The following DEPDC7 variants were observed in gnomAD, a reference collection of about 807,000 sequenced individuals.
The protein encoded by DEPDC7 is DEP domain-containing protein 7.
A neutral mutation model predicts 56.6 loss-of-function variants in DEPDC7; 41 were observed. That is an observed-to-expected ratio of 0.72 (90% CI 0.56 to 0.94). The LOEUF is 0.94. Among genes scored for constraint, DEPDC7 ranks in the 40% least tolerant of loss-of-function variants. The pLI, the probability that DEPDC7 is intolerant of heterozygous loss-of-function variation, is 0.00. For synonymous variants in DEPDC7, 185 were observed against 208.8 expected, an observed-to-expected ratio of 0.89 and a Z score of 0.98; for missense variants, 522 against 596.3, an observed-to-expected ratio of 0.88 and a Z score of 1.30.
At position 33,031,460 on chromosome 11, in the gene DEPDC7, C is replaced by T; in HGVS notation, c.865C>T (p.Pro289Ser). 5.0e-6 allele frequency: 8 copies of T among 1,614,138 alleles called. No individual in the cohort carries two copies. Among genetic ancestry groups the T allele is most frequent in the South Asian group, 1.1e-5 (1 of 91,076 alleles). Residue 289 changes from proline to serine, a missense_variant, in exon 5 of 9, where the codon CCT becomes TCT. Coordinates refer to ENST00000241051, the MANE Select transcript of DEPDC7 (RefSeq NM_001077242.2). ...GGTGGTGGAAATAAGCAGAAGCTTT[C>T]CTGAGCAACCAGACCGAACAGACTT... The part of the protein sequence containing the change: ...QMVVEISRSF[P>S]EQPDRTDLVK...
chr11:33,017,160 CATGTAAAGGA>C lies in DEPDC7; in HGVS notation c.73+1133_73+1142del, dbSNP rs1171121901. Among the ~76,000 whole-genome samples the C allele has an allele frequency of 2.6e-5, 4 of 152,270 alleles. No homozygotes were observed. In the South Asian group the frequency reaches 8.3e-4, roughly 32 times the overall value. On this transcript the variant is annotated intron_variant, in intron 1 of 8. Transcript: ENST00000241051. ...CATAATATTGACCTTAGTCTGCTTC[CATGTAAAGGA>C]TTCAGGTAAGCACATAGTGGCCACA... is the stretch of plus-strand genomic sequence containing the variant.
Position 33,027,822 on chromosome 11 carries a change from A to G in DEPDC7, c.592+9A>G, listed in dbSNP as rs774602972. 1.3e-6 allele frequency: 2 copies of G among 1,531,636 alleles called. No homozygotes were observed. Among genetic ancestry groups the G allele is most frequent in the South Asian group, 2.6e-5 (2 of 77,286 alleles). 94.9% of individuals were successfully genotyped at this position (1,531,636 alleles called of 1,614,324 possible). A position where few individuals can be genotyped will look rare whatever the true frequency, so the allele number is the denominator to read the frequency against. On this transcript the variant is annotated intron_variant, in intron 3 of 8. Coordinates refer to ENST00000241051, the MANE Select transcript of DEPDC7 (RefSeq NM_001077242.2). ...AACCTTGTCTCCACAAGGTAAGCTA[A>G]GGATGAAGCAAAGTAAGAAGTAGAA...
rs963226956 is a variant in DEPDC7 at position 33,015,887 on chromosome 11, A to G, written c.-69A>G. ...GGGAGCCACGCCCCGCACAGTTAAC[A>G]GACGGGCGCTCAGGGAGCTAGGGAG... On this transcript the variant is annotated 5_prime_UTR_variant, in exon 1 of 9. Coordinates refer to ENST00000241051, the MANE Select transcript of DEPDC7 (RefSeq NM_001077242.2). The G allele has an allele frequency of 2.5e-5, 37 of 1,468,508 alleles. No homozygotes were observed. The highest frequency in any genetic ancestry group is 3.3e-5 in the Non-Finnish European group (36 of 1,087,960). The allele number at this position is 1,468,508 out of a possible 1,614,324, so 91.0% of individuals were successfully genotyped here.
At position 33,028,693 on chromosome 11, in the gene DEPDC7, A is replaced by T. The variant is rs1853602795; in HGVS notation, c.683A>T (p.Glu228Val). 3.1e-6 allele frequency: 5 copies of T among 1,613,874 alleles called. No individual in the cohort carries two copies. Among genetic ancestry groups the T allele is most frequent in the Non-Finnish European group, 4.2e-6 (5 of 1,179,836 alleles). Residue 228 changes from glutamate (E) to valine (V), a missense_variant, in exon 4 of 9, where the codon GAG (glutamate) becomes GTG (valine). Transcript: ENST00000241051. ...CTTGACTCCTTACTGAAACAGCAAG[A>T]GGCTGTACCTAAAATTCCTCAACCT... is the stretch of plus-strand genomic sequence containing the variant. ...PLLDSLLKQQ[E>V]AVPKIPQPKR...
At position 33,032,910 on chromosome 11, in the gene DEPDC7, A is replaced by C; in HGVS notation, c.1285A>C (p.Ile429Leu). The C allele has an allele frequency of 6.2e-7, 1 of 1,604,716 alleles. No homozygotes were observed. Among genetic ancestry groups the C allele is most frequent in the Non-Finnish European group, 8.5e-7 (1 of 1,176,454 alleles). The change falls in exon 8 of 9, where the codon ATT becomes CTT. Residue 429 changes from isoleucine to leucine, a missense_variant. Ile to Leu is a conservative substitution (Grantham distance 5). Coordinates refer to ENST00000241051, the MANE Select transcript of DEPDC7 (RefSeq NM_001077242.2). ...TAAGATTCCTGGAACTCTACATAAA[A>C]TTGTAAGTGTTAAGCTTATGGCCAT... The part of the protein sequence containing the change: ...VFKIPGTLHK[I>L]VSVKLMAIQN...
At position 33,032,930 on chromosome 11, in the gene DEPDC7, G is replaced by T. The variant is rs771593411; in HGVS notation, c.1305G>T (p.Met435Ile). The change falls in exon 8 of 9, where the codon ATG becomes ATT. Residue 435 changes from methionine to isoleucine, a missense_variant. Physicochemically the swap from Met to Ile is conservative, Grantham distance 10 (BLOSUM62 1). Coordinates refer to ENST00000241051, the MANE Select transcript of DEPDC7 (RefSeq NM_001077242.2). ...ATAAAATTGTAAGTGTTAAGCTTATGGCCATACAGAACGGAAGAGATCCAA... is the reference window on the plus strand; with the variant it reads ...ATAAAATTGTAAGTGTTAAGCTTATTGCCATACAGAACGGAAGAGATCCAA... ...TLHKIVSVKL[M>I]AIQNGRDPNR... The T allele has an allele frequency of 2.5e-6, 4 of 1,605,794 alleles. No individual in the cohort carries two copies. The highest frequency in any genetic ancestry group is 3.4e-6 in the Non-Finnish European group (4 of 1,176,476).
intron 1 of DEPDC7, among the ~76,000 whole-genome samples, chr11:33,019,615 G>A (rs1023310484): frequency 4.6e-5 from 7 of 150,698 alleles, no homozygotes; most frequent in Non-Finnish European, 8.9e-5. Context: ...GCAGTGAGCC[G>A]AGATCACACC....
At position 33,033,415 on chromosome 11, in the gene DEPDC7, A is replaced by T. The variant is rs772131943; in HGVS notation, c.1496A>T (p.Lys499Met). ...EKKKLLGQFY[K>M]CHPDIFIEHF... ...AAAAAATTGCTAGGTCAATTCTATA[A>T]GTGTCACCCAGACATCTTTATTGAG... The change falls in exon 9 of 9, where the codon AAG (lysine) becomes ATG (methionine). Residue 499 changes from lysine to methionine, a missense_variant. By Grantham distance (95) the Lys-to-Met change is moderately conservative. Coordinates refer to ENST00000241051, the MANE Select transcript of DEPDC7 (RefSeq NM_001077242.2). 6.2e-7 allele frequency: 1 copy of T among 1,605,568 alleles called. No individual in the cohort carries two copies. The highest frequency in any genetic ancestry group is 8.5e-7 in the Non-Finnish European group (1 of 1,177,794).
At chr11:33,029,127 G>T (rs964061388) in intron 4 of DEPDC7, among the ~76,000 whole-genome samples, 4 of 151,106 alleles carry the variant, frequency 2.6e-5, no homozygotes, top group Admixed American at 6.6e-5. Flanking sequence ...AAACAGATTT[G>T]ACAGATTATT....
intron 2 of DEPDC7, among the ~76,000 whole-genome samples, chr11:33,027,009 G>T (rs10836003): frequency 1.3e-5 from 2 of 151,880 alleles, no homozygotes; most frequent in Non-Finnish European, 2.9e-5. Context: ...GATAAAGTAA[G>T]GCACAGTCAA....
chr11:33,017,057 G>A (rs1020040378), intron 1 of DEPDC7, among the ~76,000 whole-genome samples: 6 of 152,198 alleles, frequency 3.9e-5, no homozygotes, highest in Non-Finnish European at 8.8e-5. Flanking sequence ...ACTCACTAAT[G>A]CTCATTTTAA....
In DEPDC7 at chr11:33,025,730, C is replaced by G; in HGVS notation, c.145C>G (p.Gln49Glu). The change falls in exon 2 of 9, where the codon CAA becomes GAA. Residue 49 changes from glutamine to glutamate, a missense_variant. Coordinates refer to ENST00000241051, the MANE Select transcript of DEPDC7 (RefSeq NM_001077242.2). ...WSSIINTLQTQVEVKKRRHRL... is the reference protein window; with the variant it reads ...WSSIINTLQTEVEVKKRRHRL... ...CAGCATCATAAACACTCTTCAAACACAAGTGGAAGTGAAAAAACGAAGGCA... is the reference window on the plus strand; with the variant it reads ...CAGCATCATAAACACTCTTCAAACAGAAGTGGAAGTGAAAAAACGAAGGCA... 1 of 1,614,156 alleles carries G rather than the reference C, an allele frequency of 6.2e-7. No homozygotes were observed. The highest frequency in any genetic ancestry group is 8.5e-7 in the Non-Finnish European group (1 of 1,180,022).
Position 33,027,756 on chromosome 11 carries a change from A to C in DEPDC7, c.535A>C (p.Ser179Arg). 6.3e-7 allele frequency: 1 copy of C among 1,578,610 alleles called. No individual in the cohort carries two copies. The highest frequency in any genetic ancestry group is 8.6e-7 in the Non-Finnish European group (1 of 1,166,936). ...TTTAGAGGACCTGTGGGAAAATCTGAGTTTAAAGCCTGCCAACTCCCCTCA... is the reference window on the plus strand; with the variant it reads ...TTTAGAGGACCTGTGGGAAAATCTGCGTTTAAAGCCTGCCAACTCCCCTCA... The part of the protein sequence containing the change: ...ASLEDLWENL[S>R]LKPANSPHVN... The change falls in exon 3 of 9, where the codon AGT becomes CGT. Residue 179 changes from serine to arginine, a missense_variant. Coordinates refer to ENST00000241051, the MANE Select transcript of DEPDC7 (RefSeq NM_001077242.2).
At chr11:33,030,682 CA>C (rs573030797) in intron 4 of DEPDC7, among the ~76,000 whole-genome samples, 120 of 152,180 alleles carry the variant, frequency 7.9e-4, no homozygotes, top group African/African-American at 2.8e-3. Context: ...CTCCTGGGTT[CA>C]AGCAATTCTC....
At chr11:33,023,111 C>T (rs968240109) in intron 1 of DEPDC7, among the ~76,000 whole-genome samples, 1 of 151,788 alleles carries the variant, frequency 6.6e-6, no homozygotes, top group African/African-American at 2.4e-5. Flanking sequence ...CACCTGTAGT[C>T]CCAGCTACTT....
intron 1 of DEPDC7, among the ~76,000 whole-genome samples, chr11:33,022,634 A>G (rs1564963675): frequency 6.6e-6 from 1 of 152,230 alleles, no homozygotes; most frequent in Non-Finnish European, 1.5e-5. Context: ...AATCTCTGGT[A>G]TTTTAGGAAG....
At position 33,026,001 on chromosome 11, in the gene DEPDC7, A is replaced by T. The variant is rs1853574516; in HGVS notation, c.416A>T (p.Asn139Ile). 1.9e-6 allele frequency: 3 copies of T among 1,614,012 alleles called. No homozygotes were observed. The highest frequency in any genetic ancestry group is 2.5e-6 in the Non-Finnish European group (3 of 1,180,004). Residue 139 changes from asparagine to isoleucine, a missense_variant, in exon 2 of 9, where the codon AAC (asparagine) becomes ATC (isoleucine). Coordinates refer to ENST00000241051, the MANE Select transcript of DEPDC7 (RefSeq NM_001077242.2). The part of the protein sequence containing the change: ...CSLYRFTTIP[N>I]QDSQLGKENK... ...CTTTATAGATTCACCACAATACCTA[A>T]CCAAGACAGTCAGTTAGGCAAAGAG...
rs1853572098 is a variant in DEPDC7 at position 33,025,850 on chromosome 11, G to T, written c.265G>T (p.Asp89Tyr). 1 of 1,614,166 alleles carries T rather than the reference G, an allele frequency of 6.2e-7. No individual in the cohort carries two copies. Among genetic ancestry groups the T allele is most frequent in the South Asian group, 1.1e-5 (1 of 91,078 alleles). Reference sequence around the variant, plus strand: ...TCAGAATAAGTATTTTGGTGATGTAGATATTCCTCGAGCCAAAGTGGTGAG... The same window carrying T: ...TCAGAATAAGTATTTTGGTGATGTATATATTCCTCGAGCCAAAGTGGTGAG... ...LIQNKYFGDV[D>Y]IPRAKVVRVC... The change falls in exon 2 of 9, where the codon GAT (aspartate) becomes TAT (tyrosine). Residue 89 changes from aspartate (D) to tyrosine (Y), a missense_variant. Physicochemically the swap from Asp to Tyr is radical, Grantham distance 160. Transcript: ENST00000241051.
At chr11:33,016,829 A>C (rs1853468467) in intron 1 of DEPDC7, among the ~76,000 whole-genome samples, 1 of 152,228 alleles carries the variant, frequency 6.6e-6, no homozygotes, top group African/African-American at 2.4e-5. Flanking sequence ...GGGGTGACTC[A>C]GATAACTGTT....
Sources: allele counts gnomAD v4.1 joint callset (sites outside exome capture counted in the v4.1 genomes callset), GRCh38; gene constraint gnomAD v4.1.1; transcripts MANE v1.5; gene names NCBI Gene and HGNC (gene_info 2026-07-23, HGNC 2026-07-21).